MYO16: variants seen among roughly 807,000 people sequenced by gnomAD.
The protein encoded by MYO16 is unconventional myosin-XVI.
In MYO16, 94 loss-of-function variants were observed where a neutral mutation model predicts 205.3. The observed-to-expected ratio is 0.46, with a 90% confidence interval of 0.39 to 0.54. MYO16 has a LOEUF of 0.54. Among genes scored for constraint, MYO16 ranks in the 20% least tolerant of loss-of-function variants. The pLI, the probability that MYO16 is intolerant of heterozygous loss-of-function variation, is 0.00. For missense variants in MYO16, 2,315 were observed against 2,387.5 expected (o/e 0.97, Z 0.63); for synonymous variants, 988 against 954.0 (o/e 1.04, Z -0.66).
intron 1 of MYO16, among the ~76,000 whole-genome samples, chr13:108,598,274 G>T (rs1878634730): frequency 6.6e-6 from 1 of 151,996 alleles, no homozygotes; most frequent in African/African-American, 2.4e-5. Flanking sequence ...AGTAATTTGT[G>T]TGTGGCTTTC....
In MYO16 at chr13:109,023,554, ATTATATATACAAATACATGTATATAT is replaced by A. The variant is rs1164266407; in HGVS notation, c.2796+3659_2796+3684del. Reference sequence around the variant, plus strand: ...ATATACAATATATAGGTATATATTTATTATATATACAAATACATGTATATATTTATATATACAAATATAAATGTACA... The same window carrying A: ...ATATACAATATATAGGTATATATTTATTATATATACAAATATAAATGTACA... On this transcript the variant is annotated intron_variant, in intron 23 of 34. Transcript: ENST00000457511. 1.3e-4 allele frequency among the ~76,000 whole-genome samples: 16 copies of A among 123,286 alleles called. 1 individual carries two copies. Among genetic ancestry groups the A allele is most frequent in the African/African-American group, 4.7e-4 (15 of 32,058 alleles). 80.9% of individuals were successfully genotyped at this position (123,286 alleles called of 152,430 possible).
At chr13:109,010,719 G>A (rs1885563294) in intron 22 of MYO16, among the ~76,000 whole-genome samples, 1 of 151,986 alleles carries the variant, frequency 6.6e-6, no homozygotes, top group South Asian at 2.1e-4. Context: ...ATGTGAACCT[G>A]TAACAGCATT....
At chr13:109,183,438 G>T (rs1879541820) in intron 34 of MYO16, among the ~76,000 whole-genome samples, 2 of 152,298 alleles carry the variant, frequency 1.3e-5, no homozygotes, top group South Asian at 4.1e-4. Context: ...AAAATGCTTG[G>T]TACTTGCCCT....
chr13:109,080,086 G>A (rs1377694215), intron 27 of MYO16, among the ~76,000 whole-genome samples: 4 of 101,560 alleles, frequency 3.9e-5, no homozygotes, highest in African/African-American at 1.3e-4. Flanking sequence ...ATGTTGGTCA[G>A]GCTGGTCTCA....
intron 16 of MYO16, among the ~76,000 whole-genome samples, chr13:108,945,107 G>A (rs1480739481): frequency 6.6e-6 from 1 of 152,098 alleles, no homozygotes; most frequent in African/African-American, 2.4e-5. Context: ...CTATGTAACT[G>A]ATTGCTTCAC....
intron 13 of MYO16, among the ~76,000 whole-genome samples, chr13:108,886,694 T>C (rs1285667582): frequency 8.6e-6 from 1 of 115,754 alleles, no homozygotes; most frequent in African/African-American, 3.1e-5. Flanking sequence ...CACCGCAGGC[T>C]TGTTTAGGCA....
intron 17 of MYO16, among the ~76,000 whole-genome samples, chr13:108,959,823 A>AG (rs1326212209): frequency 6.6e-6 from 1 of 152,124 alleles, no homozygotes; most frequent in Non-Finnish European, 1.5e-5. Context: ...CTTTTGTCAT[A>AG]GGGTCCACCA....
intron 16 of MYO16, among the ~76,000 whole-genome samples, chr13:108,942,442 C>T (rs1407767982): frequency 1.3e-5 from 2 of 152,140 alleles, no homozygotes; most frequent in African/African-American, 4.8e-5. Context: ...AATTGGAATG[C>T]ACACAGAGAG....
At chr13:108,504,144 T>G in the MYO16 span, among the ~76,000 whole-genome samples, 1 of 152,202 alleles carries the variant, frequency 6.6e-6, no homozygotes, top group Non-Finnish European at 1.5e-5. Flanking sequence ...TTTTTTGTGA[T>G]GGAGCCTTGC....
intron 16 of MYO16, among the ~76,000 whole-genome samples, chr13:108,925,431 C>T (rs928889033): frequency 1.9e-4 from 29 of 152,120 alleles, no homozygotes; most frequent in African/African-American, 4.6e-4. Flanking sequence ...AAATTATTGA[C>T]GGTGGGGCCA....
chr13:109,095,913 T>G (rs990544132), intron 27 of MYO16, among the ~76,000 whole-genome samples: 1 of 152,190 alleles, frequency 6.6e-6, no homozygotes, highest in African/African-American at 2.4e-5. Flanking sequence ...GAGTTTTACT[T>G]TTTCAGTTTT....
At chr13:109,058,885 A>T (rs1296929874) in intron 27 of MYO16, among the ~76,000 whole-genome samples, 1 of 152,192 alleles carries the variant, frequency 6.6e-6, no homozygotes, top group Non-Finnish European at 1.5e-5. Context: ...AACTGAGTTT[A>T]TGGAATTTCT....
At chr13:108,845,399 G>A (rs1013341207) in intron 10 of MYO16, among the ~76,000 whole-genome samples, 1 of 152,094 alleles carries the variant, frequency 6.6e-6, no homozygotes, top group Non-Finnish European at 1.5e-5. Context: ...GATTCTGAGG[G>A]TCCAAGGTCA....
intron 9 of MYO16, among the ~76,000 whole-genome samples, chr13:108,840,127 A>G (rs985908051): frequency 6.6e-6 from 1 of 152,166 alleles, no homozygotes; most frequent in Admixed American, 6.5e-5. Context: ...ATGCCCATAC[A>G]TCTGTACTGT....
chr13:108,896,073 G>A (rs899120572), intron 14 of MYO16, among the ~76,000 whole-genome samples: 1 of 152,144 alleles, frequency 6.6e-6, no homozygotes, highest in Non-Finnish European at 1.5e-5. Context: ...CCAGGCACAT[G>A]CATTTAACCA....
At chr13:109,181,340 C>G (rs957524391) in intron 34 of MYO16, among the ~76,000 whole-genome samples, 9 of 152,188 alleles carry the variant, frequency 5.9e-5, no homozygotes, top group African/African-American at 2.2e-4. Context: ...TGGTGAGAAG[C>G]TGTAAGAGTT....
chr13:108,662,506 G>A (rs1433492058), intron 1 of MYO16, among the ~76,000 whole-genome samples: 1 of 152,096 alleles, frequency 6.6e-6, no homozygotes, highest in East Asian at 1.9e-4. Context: ...CTGGAGTTGT[G>A]TACCTAGGAG....
At chr13:108,736,575 G>A (rs879291990) in intron 4 of MYO16, among the ~76,000 whole-genome samples, 20 of 152,230 alleles carry the variant, frequency 1.3e-4, no homozygotes, top group East Asian at 3.9e-4. Context: ...GTCAGGTAGC[G>A]TGATGCCTCC....
At chr13:109,147,636 C>T (rs1474271167) in intron 32 of MYO16, among the ~76,000 whole-genome samples, 1 of 152,082 alleles carries the variant, frequency 6.6e-6, no homozygotes, top group Non-Finnish European at 1.5e-5. Context: ...ATCTTTTTCA[C>T]TCCCCTTGAT....
Sources: gnomAD v4.1 joint callset for allele counts (sites outside exome capture counted in the v4.1 genomes callset) on GRCh38, gnomAD v4.1.1 for gene constraint, MANE v1.5 for transcripts, NCBI Gene and HGNC (gene_info 2026-07-23, HGNC 2026-07-21) for gene names.